Variants in VAV3 observed in about 807,000 individuals in gnomAD.
VAV3 encodes guanine nucleotide exchange factor VAV3.
A neutral mutation model predicts 131.2 loss-of-function variants in VAV3; 94 were observed. That is an observed-to-expected ratio of 0.72 (90% CI 0.61 to 0.85). The LOEUF is 0.85. VAV3 is among the 40% of genes least tolerant of loss of function. The pLI, the probability that VAV3 is intolerant of heterozygous loss-of-function variation, is 0.00. For missense variants in VAV3, 939 were observed against 1,002.7 expected (o/e 0.94, Z 0.86); for synonymous variants, 349 against 342.0 (o/e 1.02, Z -0.22).
intron 22 of VAV3, among the ~76,000 whole-genome samples, chr1:107,608,147 A>G (rs949989512): frequency 2.3e-5 from 3 of 131,320 alleles, no homozygotes; most frequent in Non-Finnish European, 3.5e-5. Context: ...TATAAGAATA[A>G]TATTATTCTA....
chr1:107,864,474 T>C lies in VAV3; in HGVS notation c.321+10427A>G, dbSNP rs569743153. Among the ~76,000 whole-genome samples, 11 of 151,946 alleles carry C rather than the reference T, an allele frequency of 7.2e-5. No homozygotes were observed. In the South Asian group the frequency reaches 2.1e-3, roughly 29 times the overall value. ...CTGTCTCTACAAAAAAATGCAAAAA[T>C]TAGCTGGCTGTGGTGGCATGCACCT... is the stretch of plus-strand genomic sequence containing the variant. On this transcript the variant is annotated intron_variant, in intron 2 of 26. Coordinates refer to ENST00000370056, the MANE Select transcript of VAV3 (RefSeq NM_006113.5).
chr1:107,850,033 C>G (rs1669148313), intron 2 of VAV3, among the ~76,000 whole-genome samples: 1 of 152,086 alleles, frequency 6.6e-6, no homozygotes, highest in South Asian at 2.1e-4. Context: ...CCATCTCATG[C>G]CAGTTAGAAT....
At chr1:107,586,251 G>C (rs1489293699) in intron 25 of VAV3, among the ~76,000 whole-genome samples, 2 of 151,790 alleles carry the variant, frequency 1.3e-5, no homozygotes, top group African/African-American at 2.4e-5. Context: ...ATCTCCATTA[G>C]AGTAGGGAAT....
chr1:107,790,679 C>CTTTTTTT (rs145926469), intron 2 of VAV3, among the ~76,000 whole-genome samples: 4 of 69,818 alleles, frequency 5.7e-5, no homozygotes, highest in African/African-American at 1.7e-4. Flanking sequence ...AAATGTCTTC[C>CTTTTTTT]TTTTTTTTTT....
Position 107,681,215 on chromosome 1 carries a change from G to A in VAV3, c.1777+2273C>T, listed in dbSNP as rs116397393. ...CTGCAAAGTCATGTGTTGACACTTG[G>A]AGATGTTAAGTAAATTAACTGTAGG... On this transcript the variant is annotated intron_variant, in intron 19 of 26. Coordinates refer to ENST00000370056, the MANE Select transcript of VAV3 (RefSeq NM_006113.5). 5.9e-3 allele frequency among the ~76,000 whole-genome samples: 893 copies of A among 152,212 alleles called. 7 individuals carry two copies. The highest frequency in any genetic ancestry group is 9.7e-3 in the Non-Finnish European group (661 of 68,032).
rs57961034 is a variant in VAV3, at chr1:107,710,166, T to C, written c.1503-5105A>G. 5.3e-3 allele frequency among the ~76,000 whole-genome samples: 814 copies of C among 152,344 alleles called. 10 individuals carry two copies. The highest frequency in any genetic ancestry group is 0.017 in the African/African-American group (716 of 41,590). On this transcript the variant is annotated intron_variant, in intron 15 of 26. Transcript: ENST00000370056. ...AATCCTAGCAAGATGAAATCATCTG[T>C]AATGATCATGACCAATTACAGAGCA...
chr1:107,897,462 A>G (rs11185203), intron 1 of VAV3, among the ~76,000 whole-genome samples: 44,966 of 151,322 alleles, frequency 0.3, 7,030 homozygotes, highest in African/African-American at 0.42. Context: ...ACCAGGACCC[A>G]GAAAGGGCAT....
At chr1:107,599,643 ATT>A (rs1250866424) in intron 24 of VAV3, among the ~76,000 whole-genome samples, 5 of 152,076 alleles carry the variant, frequency 3.3e-5, no homozygotes, top group African/African-American at 1.2e-4. Context: ...AAAGATTCTG[ATT>A]AACCAAGCTA....
At chr1:107,647,411 A>T (rs1264619826) in intron 19 of VAV3, among the ~76,000 whole-genome samples, 1 of 151,946 alleles carries the variant, frequency 6.6e-6, no homozygotes, top group Non-Finnish European at 1.5e-5. Flanking sequence ...TGACTTCAGC[A>T]TTCCATAAGT....
At chr1:107,920,712 A>ATTTCCTTC (rs1162886615) in intron 1 of VAV3, among the ~76,000 whole-genome samples, 1 of 152,180 alleles carries the variant, frequency 6.6e-6, no homozygotes, top group East Asian at 1.9e-4. Context: ...AAATACAAAC[A>ATTTCCTTC]TTTCCTTCTC....
chr1:107,802,085 T>C (rs1461421510), intron 2 of VAV3, among the ~76,000 whole-genome samples: 1 of 152,154 alleles, frequency 6.6e-6, no homozygotes, highest in Non-Finnish European at 1.5e-5. Flanking sequence ...TTTAAATTAA[T>C]TTCTAGTTAT....
chr1:107,628,575 T>A (rs1450064077), intron 20 of VAV3, among the ~76,000 whole-genome samples: 1 of 152,206 alleles, frequency 6.6e-6, no homozygotes, highest in African/African-American at 2.4e-5. Flanking sequence ...GACTTTTTAT[T>A]TTCTGTGTGA....
rs182682302 is a variant in VAV3, at chr1:107,803,927, G to A, written c.322-24435C>T. Among the ~76,000 whole-genome samples, 6 of 152,004 alleles carry A rather than the reference G, an allele frequency of 3.9e-5. No homozygotes were observed. In the East Asian group the frequency reaches 1.2e-3, roughly 29 times the overall value. On this transcript the variant is annotated intron_variant, in intron 2 of 26. Transcript: ENST00000370056. The stretch of plus-strand genomic sequence containing the variant: ...TAATGTTGCTTTTGTGTGCTTTAGT[G>A]TTGGATGCATATTTATAATTGTTAT...
chr1:107,625,532 G>T (rs1653951603), intron 20 of VAV3, among the ~76,000 whole-genome samples: 1 of 152,126 alleles, frequency 6.6e-6, no homozygotes, highest in African/African-American at 2.4e-5. Context: ...CTCCCAAAGT[G>T]TTGGGATTAC....
intron 17 of VAV3, among the ~76,000 whole-genome samples, chr1:107,704,026 T>C (rs1434716865): frequency 6.6e-6 from 1 of 152,180 alleles, no homozygotes; most frequent in Non-Finnish European, 1.5e-5. Flanking sequence ...AATATTTACA[T>C]AAAACCCAAA....
intron 1 of VAV3, among the ~76,000 whole-genome samples, chr1:107,890,309 T>C (rs1207138809): frequency 6.6e-6 from 1 of 152,212 alleles, no homozygotes; most frequent in African/African-American, 2.4e-5. Context: ...ACTACTTCTA[T>C]GTAGTATTTC....
intron 2 of VAV3, among the ~76,000 whole-genome samples, chr1:107,841,907 T>A (rs1462601892): frequency 6.6e-6 from 1 of 152,162 alleles, no homozygotes; most frequent in Non-Finnish European, 1.5e-5. Context: ...TTAAATAAAA[T>A]GTATTATTAA....
chr1:107,719,555 G>A (rs2101912469), intron 15 of VAV3, among the ~76,000 whole-genome samples: 1 of 152,260 alleles, frequency 6.6e-6, no homozygotes, highest in East Asian at 1.9e-4. Context: ...TAAAAAGTCA[G>A]GAAACAAGTG....
At chr1:107,681,813 C>T (rs1364833738) in intron 19 of VAV3, among the ~76,000 whole-genome samples, 1 of 152,042 alleles carries the variant, frequency 6.6e-6, no homozygotes, top group South Asian at 2.1e-4. Flanking sequence ...GCCACCACCC[C>T]CAGCTATTTT....
Sources: gnomAD v4.1 joint callset for allele counts (sites outside exome capture counted in the v4.1 genomes callset) on GRCh38, gnomAD v4.1.1 for gene constraint, MANE v1.5 for transcripts, NCBI Gene and HGNC (gene_info 2026-07-23, HGNC 2026-07-21) for gene names.